The following PPP1R9A variants were observed in gnomAD, a reference collection of about 807,000 sequenced individuals.
PPP1R9A encodes the protein protein phosphatase 1 regulatory subunit 9A.
A neutral mutation model predicts 141.9 loss-of-function variants in PPP1R9A; 59 were observed. The ratio of observed to expected loss-of-function variants is 0.42; its 90% CI spans 0.34 to 0.52. The LOEUF is 0.52. Among genes scored for constraint, PPP1R9A ranks in the 20% least tolerant of loss-of-function variants. The pLI, the probability that PPP1R9A is intolerant of heterozygous loss-of-function variation, is 0.10. For synonymous variants in PPP1R9A, 500 were observed against 569.7 expected (o/e 0.88, Z 1.74); for missense variants, 1,444 against 1,611.9 (o/e 0.90, Z 1.78).
intron 2 of PPP1R9A, among the ~76,000 whole-genome samples, chr7:95,019,715 T>C (rs570673855): frequency 6.6e-6 from 1 of 152,302 alleles, no homozygotes; most frequent in Non-Finnish European, 1.5e-5. Flanking sequence ...TTACTCTACA[T>C]CCATTAGGAT....
At chr7:95,128,824 C>A (rs747653826) in intron 4 of PPP1R9A, among the ~76,000 whole-genome samples, 3 of 152,134 alleles carry the variant, frequency 2.0e-5, no homozygotes, top group Non-Finnish European at 2.9e-5. Flanking sequence ...GTGATCCACC[C>A]GCCTCGGCCT....
At chr7:95,072,953 T>C (rs139483899) in intron 2 of PPP1R9A, among the ~76,000 whole-genome samples, 1,392 of 130,106 alleles carry the variant, frequency 0.011, 34 homozygotes, top group African/African-American at 0.038. Context: ...TATTATATAT[T>C]ATAATATGTT....
At chr7:94,921,435 A>C (rs953330626) in intron 2 of PPP1R9A, among the ~76,000 whole-genome samples, 4 of 149,384 alleles carry the variant, frequency 2.7e-5, no homozygotes, top group Non-Finnish European at 3.0e-5. Flanking sequence ...CGACAGAGCT[A>C]GACTCCGGCT....
chr7:95,124,604 C>T (rs1284423011), intron 4 of PPP1R9A, among the ~76,000 whole-genome samples: 1 of 152,118 alleles, frequency 6.6e-6, no homozygotes, highest in Non-Finnish European at 1.5e-5. Flanking sequence ...CCTTTATTGA[C>T]AGAATTAAAG....
intron 8 of PPP1R9A, among the ~76,000 whole-genome samples, chr7:95,246,189 GGTAA>G (rs1798096572): frequency 6.6e-6 from 1 of 152,022 alleles, no homozygotes; most frequent in East Asian, 1.9e-4. Flanking sequence ...CCATGAACTT[GGTAA>G]AAACCCAAGG....
At chr7:95,008,553 T>G (rs904615553) in intron 2 of PPP1R9A, among the ~76,000 whole-genome samples, 1 of 152,176 alleles carries the variant, frequency 6.6e-6, no homozygotes, top group African/African-American at 2.4e-5. Context: ...TCAGGTTTGT[T>G]GGACATTCTT....
intron 2 of PPP1R9A, among the ~76,000 whole-genome samples, chr7:95,068,819 G>A (rs916316784): frequency 1.3e-5 from 2 of 152,128 alleles, no homozygotes; most frequent in African/African-American, 2.4e-5. Flanking sequence ...CAGCAGTCAG[G>A]TACTTGCTTT....
At position 95,292,564 on chromosome 7, in the gene PPP1R9A, A is replaced by G. The variant is rs1345293875; in HGVS notation, c.*2261A>G. The G allele has an allele frequency of 6.6e-6, 1 of 152,426 alleles. No individual in the cohort carries two copies. The highest frequency in any genetic ancestry group is 2.4e-5 in the African/African-American group (1 of 41,456). 9.4% of individuals were successfully genotyped at this position (152,426 alleles called of 1,614,324 possible). A position where few individuals can be genotyped will look rare whatever the true frequency, so the allele number is the denominator to read the frequency against. ...TATATTGCATTTTCTTAAATATCTT[A>G]GAAGTATTTTTCTTTATAACTTTGT... On this transcript the variant is annotated 3_prime_UTR_variant, in exon 20 of 20. Coordinates refer to ENST00000433360, the MANE Select transcript of PPP1R9A (RefSeq NM_001166160.2).
intron 4 of PPP1R9A, among the ~76,000 whole-genome samples, chr7:95,127,756 G>A (rs138444184): frequency 6.6e-6 from 1 of 152,246 alleles, no homozygotes; most frequent in Non-Finnish European, 1.5e-5. Context: ...ACTTATAAGT[G>A]AGAATATGCA....
chr7:94,957,431 G>A (rs1797185018), intron 2 of PPP1R9A, among the ~76,000 whole-genome samples: 1 of 152,042 alleles, frequency 6.6e-6, no homozygotes, highest in African/African-American at 2.4e-5. Flanking sequence ...GATTTTGCTA[G>A]ATAGAATGGG....
chr7:95,267,775 A>G (rs982780036), intron 12 of PPP1R9A, among the ~76,000 whole-genome samples: 2 of 152,170 alleles, frequency 1.3e-5, no homozygotes, highest in Admixed American at 6.5e-5. Flanking sequence ...ATTCACAGAG[A>G]TGAGTCAGAG....
At chr7:94,979,232 A>T (rs545626539) in intron 2 of PPP1R9A, among the ~76,000 whole-genome samples, 1 of 152,306 alleles carries the variant, frequency 6.6e-6, no homozygotes, top group East Asian at 1.9e-4. Context: ...TTATTTTGTT[A>T]ATCAGATTTG....
intron 2 of PPP1R9A, among the ~76,000 whole-genome samples, chr7:95,101,839 A>G (rs1030986023): frequency 3.3e-5 from 5 of 152,048 alleles, no homozygotes; most frequent in African/African-American, 1.2e-4. Flanking sequence ...ACTTACTTTT[A>G]TGATTTTTAC....
At chr7:94,942,407 C>G (rs1461942976) in intron 2 of PPP1R9A, among the ~76,000 whole-genome samples, 1 of 152,170 alleles carries the variant, frequency 6.6e-6, no homozygotes, top group Non-Finnish European at 1.5e-5. Flanking sequence ...CAGAGGTTGG[C>G]AAACTATGGC....
intron 2 of PPP1R9A, among the ~76,000 whole-genome samples, chr7:95,067,532 A>G (rs971537239): frequency 1.3e-5 from 2 of 152,202 alleles, no homozygotes; most frequent in African/African-American, 4.8e-5. Context: ...TTTATAGTTA[A>G]CAAAAATTTG....
chr7:95,115,787 C>T (rs796166268), intron 3 of PPP1R9A, among the ~76,000 whole-genome samples: 4 of 151,460 alleles, frequency 2.6e-5, no homozygotes, highest in Admixed American at 6.6e-5. Flanking sequence ...CGTGGTGGCA[C>T]GTGCCTGTAG....
chr7:95,032,460 A>C (rs1358175817), intron 2 of PPP1R9A, among the ~76,000 whole-genome samples: 1 of 152,170 alleles, frequency 6.6e-6, no homozygotes, highest in African/African-American at 2.4e-5. Context: ...TAGTAAAACT[A>C]ATTGAATCAT....
At chr7:94,990,877 G>C (rs1209521494) in intron 2 of PPP1R9A, among the ~76,000 whole-genome samples, 1 of 151,914 alleles carries the variant, frequency 6.6e-6, no homozygotes, top group East Asian at 1.9e-4. Context: ...CAAATTACAG[G>C]ATTTCCTTCT....
intron 4 of PPP1R9A, among the ~76,000 whole-genome samples, chr7:95,126,527 T>C (rs1823591203): frequency 6.6e-6 from 1 of 152,170 alleles, no homozygotes; most frequent in South Asian, 2.1e-4. Context: ...GCCAGGTATG[T>C]TCCCATAAAT....
Sources: allele counts gnomAD v4.1 joint callset (sites outside exome capture counted in the v4.1 genomes callset), GRCh38; gene constraint gnomAD v4.1.1; transcripts MANE v1.5; gene names NCBI Gene and HGNC (gene_info 2026-07-23, HGNC 2026-07-21).